Variants in PHLDB2 observed in about 807,000 individuals in gnomAD.
PHLDB2 encodes pleckstrin homology like domain family B member 2.
Under a neutral mutation model 123.6 loss-of-function variants are expected in PHLDB2, and 71 were observed. The ratio of observed to expected loss-of-function variants is 0.57; its 90% CI spans 0.47 to 0.70. The LOEUF (loss-of-function observed/expected upper bound fraction) is 0.70. Ranked by LOEUF, PHLDB2 falls within the 30% of genes least tolerant of loss-of-function variation. The pLI, the probability that PHLDB2 is intolerant of heterozygous loss-of-function variation, is 0.00. For synonymous variants in PHLDB2, 547 were observed against 541.6 expected (o/e 1.01, Z -0.14); for missense variants, 1,446 against 1,519.5 (o/e 0.95, Z 0.80).
chr3:111,940,705 T>C (rs2069810644), intron 8 of PHLDB2, 60 bp downstream of exon 8: 1 of 974,484 alleles, frequency 1.0e-6, no homozygotes, highest in Non-Finnish European at 1.5e-6. Context: ...TTCAGGGAAA[T>C]TGCCCCCTTT....
At chr3:111,831,005 G>GAAAGAA (rs2062979852) in intron 1 of PHLDB2, among the ~76,000 whole-genome samples, 1 of 92,850 alleles carries the variant, frequency 1.1e-5, no homozygotes, top group Admixed American at 1.2e-4. Flanking sequence ...AAGAAAGAAA[G>GAAAGAA]AAAGAAAGAA....
chr3:111,894,682 G>T (rs3933041), intron 2 of PHLDB2, among the ~76,000 whole-genome samples: 1 of 150,674 alleles, frequency 6.6e-6, no homozygotes, highest in East Asian at 1.9e-4. Context: ...CTTTTTTTTC[G>T]TATGTTTGTT....
chr3:111,821,976 A>C (rs1208867427), intron 1 of PHLDB2, among the ~76,000 whole-genome samples: 1 of 152,224 alleles, frequency 6.6e-6, no homozygotes, highest in Non-Finnish European at 1.5e-5. Context: ...AAAAATGTTT[A>C]GTATTGAAAA....
chr3:111,859,279 A>G lies in PHLDB2; in HGVS notation c.-312A>G. 1 of 985,562 alleles carries G rather than the reference A, an allele frequency of 1.0e-6. No homozygotes were observed. The highest frequency in any genetic ancestry group is 1.2e-6 in the Non-Finnish European group (1 of 829,994). The allele number at this position is 985,562 out of a possible 1,614,324, so 61.1% of individuals were successfully genotyped here. A position where few individuals can be genotyped will look rare whatever the true frequency, so the allele number is the denominator to read the frequency against. ...CGAAAGTCCCTACTGCGTTGCTGCG[A>G]ACGTAGCTTTGAGAAGCTGGCGCCC... On this transcript the variant is annotated 5_prime_UTR_variant, in exon 1 of 18. Transcript: ENST00000431670.
intron 1 of PHLDB2, among the ~76,000 whole-genome samples, chr3:111,878,167 A>T (rs186580655): frequency 6.6e-6 from 1 of 152,162 alleles, no homozygotes; most frequent in African/African-American, 2.4e-5. Flanking sequence ...CACAATATTG[A>T]TTATTCCTAT....
At chr3:111,808,407 A>T (rs2061687844) in intron 1 of PHLDB2, among the ~76,000 whole-genome samples, 1 of 151,956 alleles carries the variant, frequency 6.6e-6, no homozygotes, top group South Asian at 2.1e-4. Flanking sequence ...CGGAAAAAGG[A>T]GGTTGCCCTT....
At chr3:111,912,732 A>G (rs927511228) in intron 2 of PHLDB2, among the ~76,000 whole-genome samples, 5 of 152,230 alleles carry the variant, frequency 3.3e-5, no homozygotes, top group African/African-American at 1.2e-4. Flanking sequence ...AAGCACAAGT[A>G]TTAAGTCAGT....
chr3:111,764,313 C>A (rs766927253), intron 1 of PHLDB2, among the ~76,000 whole-genome samples: 4 of 152,216 alleles, frequency 2.6e-5, no homozygotes, highest in Non-Finnish European at 4.4e-5. Flanking sequence ...CCTAAAAGCA[C>A]TTACAACCAC....
chr3:111,948,624 A>G (rs2070480361), intron 9 of PHLDB2, among the ~76,000 whole-genome samples: 1 of 152,226 alleles, frequency 6.6e-6, no homozygotes, highest in African/African-American at 2.4e-5. Context: ...TGACAACCTT[A>G]ATCCATCAAC....
chr3:111,886,370 G>A (rs1002237055), intron 2 of PHLDB2, among the ~76,000 whole-genome samples: 2 of 151,996 alleles, frequency 1.3e-5, no homozygotes, highest in Non-Finnish European at 2.9e-5. Context: ...CCTGTGGGCC[G>A]CACAAGGCCC....
Position 111,884,003 on chromosome 3 carries a change from CAAG to C in PHLDB2, c.-14-60_-14-58del, listed in dbSNP as rs2066058961. 102 of 1,468,184 alleles carry C rather than the reference CAAG, an allele frequency of 6.9e-5. 1 individual carries two copies. In the South Asian group the frequency reaches 1.4e-3, roughly 19 times the overall value. 90.9% of individuals were successfully genotyped at this position (1,468,184 alleles called of 1,614,324 possible). On this transcript the variant is annotated intron_variant, in intron 1 of 17. Transcript: ENST00000431670. Reference sequence around the variant, plus strand: ...ATTGTTTGTTCAGATGTAGGCCTAACAAGGGATTGTTCTTTTAAAATCTTCTTT... The same window carrying C: ...ATTGTTTGTTCAGATGTAGGCCTAACGGATTGTTCTTTTAAAATCTTCTTT...
upstream of PHLDB2, among the ~76,000 whole-genome samples, chr3:111,857,450 C>CAAA (rs72339280): frequency 4.1e-3 from 465 of 113,434 alleles, 8 homozygotes; most frequent in African/African-American, 0.015. Context: ...GGCCCTGTCT[C>CAAA]AAAAAAAAAA....
intron 2 of PHLDB2, among the ~76,000 whole-genome samples, chr3:111,888,005 TTATG>T (rs1240858181): frequency 6.6e-6 from 1 of 152,102 alleles, no homozygotes; most frequent in African/African-American, 2.4e-5. Flanking sequence ...CTATGGTTAT[TTATG>T]GTTAATTTAA....
intron 2 of PHLDB2, among the ~76,000 whole-genome samples, chr3:111,888,744 T>A (rs2066317679): frequency 1.3e-5 from 2 of 152,218 alleles, no homozygotes; most frequent in Non-Finnish European, 2.9e-5. Flanking sequence ...TATATTACAT[T>A]TTTAATGCAT....
intron 1 of PHLDB2, among the ~76,000 whole-genome samples, chr3:111,825,145 T>G (rs2062594461): frequency 6.6e-6 from 1 of 152,200 alleles, no homozygotes; most frequent in Admixed American, 6.5e-5. Flanking sequence ...TGCTCAAACC[T>G]ACAAATTTCC....
chr3:111,739,698 G>C (rs2059571207), intron 1 of PHLDB2, among the ~76,000 whole-genome samples: 1 of 151,794 alleles, frequency 6.6e-6, no homozygotes, highest in Non-Finnish European at 1.5e-5. Flanking sequence ...GCCACCCCAG[G>C]CACCCTGCCC....
At chr3:111,929,951 G>A (rs201292990) in intron 5 of PHLDB2, among the ~76,000 whole-genome samples, 1 of 142,420 alleles carries the variant, frequency 7.0e-6, no homozygotes, top group East Asian at 2.1e-4. Flanking sequence ...TCACTCTGTC[G>A]CCCAGGCTGG....
At chr3:111,905,469 A>G (rs758627433) in intron 2 of PHLDB2, among the ~76,000 whole-genome samples, 2 of 151,554 alleles carry the variant, frequency 1.3e-5, no homozygotes, top group African/African-American at 4.9e-5. Context: ...TGATCCTCCC[A>G]CCTCAGCCTC....
chr3:111,861,387 A>C (rs190990874), intron 1 of PHLDB2, among the ~76,000 whole-genome samples: 1 of 152,344 alleles, frequency 6.6e-6, no homozygotes, highest in East Asian at 1.9e-4. Flanking sequence ...CTGTAAAGTT[A>C]CCAAACCATT....
Sources: gnomAD v4.1 joint callset for allele counts (sites outside exome capture counted in the v4.1 genomes callset) on GRCh38, gnomAD v4.1.1 for gene constraint, MANE v1.5 for transcripts, NCBI Gene and HGNC (gene_info 2026-07-23, HGNC 2026-07-21) for gene names.